ALK: variants seen among roughly 807,000 people sequenced by gnomAD.
The protein encoded by ALK is ALK tyrosine kinase receptor.
ALK carries 74 observed loss-of-function variants against 163.1 expected under a neutral mutation model. The observed-to-expected ratio is 0.45, with a 90% CI of 0.38 to 0.55. ALK has a LOEUF of 0.55. Ranked by LOEUF, ALK falls within the 20% of genes least tolerant of loss-of-function variation. The pLI, the probability that ALK is intolerant of heterozygous loss-of-function variation, is 0.00. For missense variants in ALK, 2,063 were observed against 2,105.3 expected, an observed-to-expected ratio of 0.98 and a Z score of 0.39; for synonymous variants, 960 against 843.2, an observed-to-expected ratio of 1.14 and a Z score of -2.40.
chr2:29,566,772 T>C (rs1324964307), intron 3 of ALK, among the ~76,000 whole-genome samples: 2 of 152,234 alleles, frequency 1.3e-5, no homozygotes, highest in Non-Finnish European at 2.9e-5. Flanking sequence ...AATGAACTAA[T>C]TCATGCATAT....
chr2:29,775,329 A>G (rs1366885591), intron 1 of ALK, among the ~76,000 whole-genome samples: 1 of 152,200 alleles, frequency 6.6e-6, no homozygotes, highest in Admixed American at 6.5e-5. Flanking sequence ...ACTGAAGTCC[A>G]TAATTTCTGC....
At chr2:29,217,662 G>A (rs1023829196) in intron 23 of ALK, among the ~76,000 whole-genome samples, 1 of 152,190 alleles carries the variant, frequency 6.6e-6, no homozygotes, top group Non-Finnish European at 1.5e-5. Context: ...TCTAAGGTCT[G>A]TGGAGCCACT....
chr2:29,787,058 G>A (rs1354774101), intron 1 of ALK, among the ~76,000 whole-genome samples: 4 of 152,116 alleles, frequency 2.6e-5, no homozygotes, highest in African/African-American at 9.7e-5. Context: ...GCCTCCCAAA[G>A]TGCTGGGATT....
intron 1 of ALK, among the ~76,000 whole-genome samples, chr2:29,820,519 A>G (rs892199053): frequency 2.0e-5 from 3 of 152,232 alleles, no homozygotes; most frequent in African/African-American, 7.2e-5. Flanking sequence ...GCAGTAGATA[A>G]CCAATACATT....
intron 3 of ALK, among the ~76,000 whole-genome samples, chr2:29,543,490 A>G (rs1360843820): frequency 2.0e-5 from 3 of 152,194 alleles, no homozygotes; most frequent in Non-Finnish European, 4.4e-5. Flanking sequence ...GAACACTCCC[A>G]CTAGCAGCCA....
rs758625575 is a variant in ALK at position 29,193,681 on chromosome 2, G to A, written c.4406C>T (p.Pro1469Leu). Residue 1469 changes from proline (P) to leucine (L), a missense_variant, in exon 29 of 29, where the codon CCG becomes CTG. Pro to Leu is a moderately conservative substitution (Grantham distance 98). This residue lies in a region of ALK where 403 missense variants were observed against 366.2 expected (regional missense o/e 1.10). Transcript: ENST00000389048. ...AEISVRVPRG[P>L]AVEGGHVNMA... ...ATTCACGTGTCCCCCTTCCACGGCC[G>A]GCCCTCTAGGGACTCGAACAGAGAT... 9 of 1,613,818 alleles carry A rather than the reference G, an allele frequency of 5.6e-6. No homozygotes were observed. Among genetic ancestry groups the A allele is most frequent in the Non-Finnish European group, 7.6e-6 (9 of 1,179,742 alleles).
chr2:29,208,456 C>G (rs1669372425), intron 25 of ALK, among the ~76,000 whole-genome samples: 1 of 152,100 alleles, frequency 6.6e-6, no homozygotes, highest in Admixed American at 6.6e-5. Context: ...AAATGAGAGG[C>G]AGTCCCAGGG....
At chr2:29,703,339 T>C (rs1413796981) in intron 2 of ALK, among the ~76,000 whole-genome samples, 1 of 152,240 alleles carries the variant, frequency 6.6e-6, no homozygotes, top group Admixed American at 6.5e-5. Context: ...TTCCCATATG[T>C]CTATGGCCAT....
chr2:29,695,547 A>G (rs1678530172), intron 2 of ALK, among the ~76,000 whole-genome samples: 1 of 152,224 alleles, frequency 6.6e-6, no homozygotes, highest in Non-Finnish European at 1.5e-5. Context: ...GCGGCTTACA[A>G]CCTAGATGAT....
At chr2:29,469,612 T>C (rs1270107703) in intron 4 of ALK, among the ~76,000 whole-genome samples, 2 of 152,288 alleles carry the variant, frequency 1.3e-5, no homozygotes, top group South Asian at 4.1e-4. Flanking sequence ...TCCTTGACAT[T>C]GAAGTTCCCA....
At chr2:29,560,356 C>T (rs1353672480) in intron 3 of ALK, among the ~76,000 whole-genome samples, 7 of 152,094 alleles carry the variant, frequency 4.6e-5, no homozygotes, top group Non-Finnish European at 8.8e-5. Flanking sequence ...ACACAAAAGA[C>T]CATGTATTTT....
intron 1 of ALK, among the ~76,000 whole-genome samples, chr2:29,719,227 G>A (rs992899106): frequency 6.6e-6 from 1 of 152,244 alleles, no homozygotes. Context: ...TGAGTTGGAA[G>A]TGCTGGCTCT....
intron 1 of ALK, among the ~76,000 whole-genome samples, chr2:29,867,878 A>C (rs1183615871): frequency 1.3e-5 from 2 of 152,218 alleles, no homozygotes; most frequent in Non-Finnish European, 2.9e-5. Flanking sequence ...GGTGTGCTGC[A>C]GCAAGATGAC....
At chr2:29,897,961 A>G (rs1667317466) in intron 1 of ALK, among the ~76,000 whole-genome samples, 1 of 152,228 alleles carries the variant, frequency 6.6e-6, no homozygotes, top group Non-Finnish European at 1.5e-5. Context: ...ATGAAAGAAA[A>G]GCAGTCATAT....
chr2:29,328,561 G>C, intron 5 of ALK, 80 bp from the exon 6 acceptor site: 2 of 1,584,362 alleles, frequency 1.3e-6, no homozygotes, highest in South Asian at 2.2e-5. Flanking sequence ...TGGTCCCATG[G>C]GCAGGCTGCA....
chr2:29,568,374 T>A (rs973435894), intron 3 of ALK, among the ~76,000 whole-genome samples: 13 of 152,216 alleles, frequency 8.5e-5, no homozygotes, highest in African/African-American at 3.1e-4. Context: ...TTTCTTTCCA[T>A]TGCCACATTC....
intron 28 of ALK, among the ~76,000 whole-genome samples, chr2:29,195,649 C>T (rs1180815565): frequency 2.0e-5 from 3 of 152,278 alleles, no homozygotes; most frequent in East Asian, 1.9e-4. Context: ...GGAGGAGAAT[C>T]GCTTGAACCC....
chr2:29,904,141 T>A (rs1272466912), intron 1 of ALK, among the ~76,000 whole-genome samples: 2 of 152,162 alleles, frequency 1.3e-5, no homozygotes, highest in Non-Finnish European at 2.9e-5. Context: ...AGTTAGTTAT[T>A]GAAATAGGGT....
In ALK at chr2:29,193,486, C is replaced by T. The variant is rs139185626; in HGVS notation, c.4601G>A (p.Gly1534Glu). The T allele has an allele frequency of 7.4e-6, 12 of 1,614,180 alleles. No individual in the cohort carries two copies. Among genetic ancestry groups the T allele is most frequent in the African/African-American group, 1.3e-5 (1 of 75,034 alleles). ...TGGGACAGTACAGCTTCCCTCCAGCCCCAGGTTACCCCTGTCGTGTGGCTC... is the reference window on the plus strand; with the variant it reads ...TGGGACAGTACAGCTTCCCTCCAGCTCCAGGTTACCCCTGTCGTGTGGCTC... ...KKEPHDRGNL[G>E]LEGSCTVPPN... The change falls in exon 29 of 29, where the codon GGG becomes GAG. Residue 1534 changes from glycine to glutamate, a missense_variant. Coordinates refer to ENST00000389048, the MANE Select transcript of ALK (RefSeq NM_004304.5).
Sources: gnomAD v4.1 joint callset for allele counts (sites outside exome capture counted in the v4.1 genomes callset) on GRCh38, gnomAD v4.1.1 for gene constraint, gnomAD v4.1.1 regional missense constraint, MANE v1.5 for transcripts, NCBI Gene and HGNC (gene_info 2026-07-23, HGNC 2026-07-21) for gene names.